Variants in ARMH3 observed in about 807,000 individuals in gnomAD.
ARMH3 encodes the protein armadillo-like helical domain-containing protein 3.
A neutral mutation model predicts 99.1 loss-of-function variants in ARMH3; 60 were observed. The observed-to-expected ratio is 0.61, with a 90% CI of 0.49 to 0.75. The LOEUF (loss-of-function observed/expected upper bound fraction) is 0.75, where lower values mean the gene tolerates loss of function less well. Ranked by LOEUF, ARMH3 falls within the 30% of genes least tolerant of loss-of-function variation. The pLI is 0.00. For missense variants in ARMH3, 679 were observed against 843.1 expected, an observed-to-expected ratio of 0.81 and a Z score of 2.41; for synonymous variants, 285 against 292.8, an observed-to-expected ratio of 0.97 and a Z score of 0.27.
intron 1 of ARMH3, among the ~76,000 whole-genome samples, chr10:102,054,834 A>G (rs1271930862): frequency 1.3e-5 from 2 of 151,970 alleles, no homozygotes; most frequent in Admixed American, 6.6e-5. Context: ...TGTCTCTACT[A>G]AAAATACAAA....
intron 5 of ARMH3, among the ~76,000 whole-genome samples, chr10:102,028,504 G>A (rs1033641446): frequency 6.6e-6 from 1 of 152,108 alleles, no homozygotes; most frequent in Non-Finnish European, 1.5e-5. Flanking sequence ...TATCAACTGA[G>A]GAATGGCTAA....
intron 24 of ARMH3, among the ~76,000 whole-genome samples, chr10:101,866,495 A>AG (rs1564701656): frequency 2.6e-5 from 4 of 151,856 alleles, no homozygotes; most frequent in Admixed American, 2.0e-4. Context: ...AAAAAAAAAA[A>AG]AAAGAAAAGA....
At chr10:101,977,046 T>G (rs1846044641) in intron 19 of ARMH3, among the ~76,000 whole-genome samples, 1 of 152,166 alleles carries the variant, frequency 6.6e-6, no homozygotes, top group Non-Finnish European at 1.5e-5. Context: ...AAAGTTAAAT[T>G]AAAAATGCAG....
At chr10:102,044,907 G>A (rs1325588183) in intron 1 of ARMH3, among the ~76,000 whole-genome samples, 10 of 152,124 alleles carry the variant, frequency 6.6e-5, no homozygotes, top group East Asian at 1.9e-4. Flanking sequence ...AAGCCGAGGC[G>A]GGCAGATCAC....
At chr10:102,033,469 G>A in intron 2 of ARMH3, 130 bp from the exon 3 acceptor site, 1 of 991,772 alleles carries the variant, frequency 1.0e-6, no homozygotes, top group Non-Finnish European at 1.4e-6. Context: ...CCAGGCTGGA[G>A]TACAGTGGCG....
chr10:101,881,928 G>A lies in ARMH3; in HGVS notation c.1860+7484C>T, dbSNP rs940616383. On this transcript the variant is annotated intron_variant, in intron 24 of 25. Coordinates refer to ENST00000370033, the MANE Select transcript of ARMH3 (RefSeq NM_024541.3). ...AACTCCATTCTTTTCTCCTCCGTAT[G>A]GCCTTTTCTGACCACTTTTCTGATT... 1.3e-5 allele frequency among the ~76,000 whole-genome samples: 2 copies of A among 152,030 alleles called. 1 individual carries two copies. The highest frequency in any genetic ancestry group is 2.9e-5 in the Non-Finnish European group (2 of 68,006).
intron 19 of ARMH3, among the ~76,000 whole-genome samples, chr10:101,978,255 G>A (rs575996687): frequency 6.7e-6 from 1 of 150,004 alleles, no homozygotes; most frequent in South Asian, 2.1e-4. Flanking sequence ...TTACACACAT[G>A]TTCCAGATTG....
chr10:102,008,651 C>T (rs2066560340), intron 13 of ARMH3, among the ~76,000 whole-genome samples: 2 of 152,018 alleles, frequency 1.3e-5, no homozygotes, highest in South Asian at 4.2e-4. Flanking sequence ...CTCCTGGGTT[C>T]ACGTCATTCT....
chr10:101,877,368 A>G (rs561113177), intron 24 of ARMH3, among the ~76,000 whole-genome samples: 2 of 152,286 alleles, frequency 1.3e-5, no homozygotes, highest in Admixed American at 1.3e-4. Flanking sequence ...GTCTCAAAAA[A>G]AAATTTTTTT....
intron 8 of ARMH3, among the ~76,000 whole-genome samples, chr10:102,018,624 G>A (rs762681255): frequency 6.6e-6 from 1 of 152,148 alleles, no homozygotes; most frequent in African/African-American, 2.4e-5. Flanking sequence ...ATGGTGTAAA[G>A]AAACCTACTG....
chr10:102,006,604 G>A lies in ARMH3; in HGVS notation c.984C>T (p.Thr328=), dbSNP rs1465663027. The change falls in exon 14 of 26, where the codon ACC becomes ACT. Residue 328 remains threonine (T), a synonymous_variant. Transcript: ENST00000370033. The part of the protein sequence containing the change: ...QSHPEMGLVT[T]PVSPAPTTPV... ...GGGTTGTAGGAGCAGGACTGACAGG[G>A]GTCGTCACCAAGCCCATTTCTGGAT... 1 of 1,613,952 alleles carries A rather than the reference G, an allele frequency of 6.2e-7. No individual in the cohort carries two copies.
intron 23 of ARMH3, among the ~76,000 whole-genome samples, chr10:101,918,569 T>C (rs1843179240): frequency 6.6e-6 from 1 of 152,222 alleles, no homozygotes; most frequent in Non-Finnish European, 1.5e-5. Flanking sequence ...TTCAAATACA[T>C]GCTGTATTAA....
At chr10:101,985,213 T>C (rs1160636818) in intron 19 of ARMH3, among the ~76,000 whole-genome samples, 1 of 146,324 alleles carries the variant, frequency 6.8e-6, no homozygotes, top group South Asian at 2.1e-4. Context: ...TACGTATATA[T>C]GTATATATAT....
intron 23 of ARMH3, among the ~76,000 whole-genome samples, chr10:101,935,284 G>A (rs1843915637): frequency 6.6e-6 from 1 of 151,146 alleles, no homozygotes; most frequent in South Asian, 2.1e-4. Flanking sequence ...AATAAAGACA[G>A]CAGTTTCTAA....
At chr10:102,030,806 G>A (rs1309385694) in intron 4 of ARMH3, among the ~76,000 whole-genome samples, 1 of 152,000 alleles carries the variant, frequency 6.6e-6, no homozygotes, top group South Asian at 2.1e-4. Flanking sequence ...GTTTGAGACG[G>A]AGTCTCACTC....
At chr10:101,952,662 A>C (rs1466212285) in intron 22 of ARMH3, 2 of 152,204 alleles carry the variant, frequency 1.3e-5, no homozygotes, top group African/African-American at 2.4e-5. Context: ...TTCAATCTTT[A>C]ACTGACTGTG....
chr10:101,941,038 T>C (rs1310971820), intron 22 of ARMH3, among the ~76,000 whole-genome samples: 1 of 152,310 alleles, frequency 6.6e-6, no homozygotes, highest in Non-Finnish European at 1.5e-5. Flanking sequence ...TTATATGTAA[T>C]GTAGCATACA....
rs548511195 is a variant in ARMH3, at chr10:102,025,638, T to C, written c.415-390A>G. 2.6e-5 allele frequency among the ~76,000 whole-genome samples: 4 copies of C among 152,130 alleles called. No homozygotes were observed. The South Asian group carries it at 8.3e-4, about 32-fold the overall frequency. ...GTTAAATAATTGTATATGTTTCTTT[T>C]CTTTTCTTTTCTTTTCTTTTCTTTT... is the stretch of plus-strand genomic sequence containing the variant. On this transcript the variant is annotated intron_variant, in intron 5 of 25. Coordinates refer to ENST00000370033, the MANE Select transcript of ARMH3 (RefSeq NM_024541.3).
In ARMH3 at chr10:101,996,617, C is replaced by T. The variant is rs532039304; in HGVS notation, c.1151-1262G>A. On this transcript the variant is annotated intron_variant, in intron 15 of 25. Transcript: ENST00000370033. ...GGCACTATCCTCCCACAAACTGATA[C>T]GCAACTCCCACAGAAAAGCCTGCAG... Among the ~76,000 whole-genome samples, 11 of 152,258 alleles carry T rather than the reference C, an allele frequency of 7.2e-5. No homozygotes were observed. The South Asian group carries it at 1.2e-3, about 17-fold the overall frequency.
Sources: allele counts gnomAD v4.1 joint callset (sites outside exome capture counted in the v4.1 genomes callset), GRCh38; gene constraint gnomAD v4.1.1; transcripts MANE v1.5; gene names NCBI Gene and HGNC (gene_info 2026-07-23, HGNC 2026-07-21).